Variants in TYW1 observed in about 807,000 individuals in gnomAD.
TYW1 encodes the protein S-adenosyl-L-methionine-dependent tRNA 4-demethylwyosine synthase TYW1.
TYW1 carries 46 observed loss-of-function variants against 96.2 expected under a neutral mutation model. The observed-to-expected ratio is 0.48, with a 90% CI of 0.38 to 0.61. The LOEUF is 0.61. Ranked by LOEUF, TYW1 falls within the 20% of genes least tolerant of loss-of-function variation. TYW1 has a pLI of 0.00. For synonymous variants in TYW1, 274 were observed against 323.0 expected (o/e 0.85, Z 1.63); for missense variants, 684 against 909.6 (o/e 0.75, Z 3.19).
chr7:67,063,930 A>G lies in TYW1; in HGVS notation c.1156-3355A>G, dbSNP rs1447254672. On this transcript the variant is annotated intron_variant, in intron 9 of 15. Transcript: ENST00000359626. ...TCTGTATATTAACAATGAACATATG[A>G]AAACCAAAACTAAAAAGTTCATTTA... Among the ~76,000 whole-genome samples the G allele has an allele frequency of 7.1e-4, 108 of 152,180 alleles. 2 individuals carry two copies. The highest frequency in any genetic ancestry group is 1.5e-4 in the Non-Finnish European group (10 of 68,030).
intron 1 of TYW1, 88 bp downstream of exon 1, chr7:66,997,070 G>T: frequency 6.3e-7 from 1 of 1,595,864 alleles, no homozygotes; most frequent in East Asian, 2.3e-5. Flanking sequence ...TGGCGTCCTC[G>T]GTCCCTTTCC....
At chr7:67,223,347 G>C (rs1301693106) in intron 15 of TYW1, among the ~76,000 whole-genome samples, 1 of 152,034 alleles carries the variant, frequency 6.6e-6, no homozygotes, top group African/African-American at 2.4e-5. Context: ...GTTTTGTTTT[G>C]TTTTGTTTGA....
chr7:67,009,426 G>A (rs1793713406), intron 3 of TYW1, among the ~76,000 whole-genome samples, 157 bp from the exon 4 acceptor site: 1 of 152,176 alleles, frequency 6.6e-6, no homozygotes, highest in Non-Finnish European at 1.5e-5. Flanking sequence ...CCAAGAAAAT[G>A]GTAAGAGTGA....
At chr7:67,125,757 A>T (rs560443572) in intron 13 of TYW1, among the ~76,000 whole-genome samples, 351 of 152,226 alleles carry the variant, frequency 2.3e-3, no homozygotes, top group Middle Eastern at 0.01. Context: ...GCAACCATGG[A>T]TGGATCTTTT....
intron 12 of TYW1, 46 bp from the exon 13 acceptor site, chr7:67,117,437 T>C: frequency 3.8e-6 from 6 of 1,582,952 alleles, no homozygotes; most frequent in South Asian, 1.2e-5. Flanking sequence ...GAAAGCCTGA[T>C]AGAGGAATAA....
At chr7:67,181,473 C>G (rs1256414003) in intron 13 of TYW1, among the ~76,000 whole-genome samples, 1 of 152,122 alleles carries the variant, frequency 6.6e-6, no homozygotes, top group South Asian at 2.1e-4. Flanking sequence ...GTGTGGCTGC[C>G]TAATATTCCT....
Position 67,183,257 on chromosome 7 carries a change from G to A in TYW1, c.1809+21G>A, listed in dbSNP as rs547114863. 4.4e-6 allele frequency: 7 copies of A among 1,581,784 alleles called. No individual in the cohort carries two copies. In the South Asian group the frequency reaches 8.1e-5, roughly 18 times the overall value. On this transcript the variant is annotated intron_variant, in intron 14 of 15. Transcript: ENST00000359626. ...TGAAGGTAAGCCCCTGCTGACTCTG[G>A]TGGCTGTGGTGGAGTGACAAAGAAT...
At chr7:67,130,678 T>C (rs1403099394) in intron 13 of TYW1, among the ~76,000 whole-genome samples, 3 of 146,474 alleles carry the variant, frequency 2.0e-5, no homozygotes, top group Non-Finnish European at 4.5e-5. Context: ...AAAAAAAAAA[T>C]GCAAAATACA....
chr7:67,052,167 G>A (rs1795380132), intron 8 of TYW1, among the ~76,000 whole-genome samples: 1 of 152,092 alleles, frequency 6.6e-6, no homozygotes, highest in African/African-American at 2.4e-5. Flanking sequence ...GTTTTGTTGA[G>A]TGTCTTGGTT....
At chr7:67,189,551 G>A (rs1370797252) in intron 14 of TYW1, among the ~76,000 whole-genome samples, 1 of 152,180 alleles carries the variant, frequency 6.6e-6, no homozygotes, top group East Asian at 1.9e-4. Flanking sequence ...GAGAGGCAGT[G>A]CCCAGTTTTG....
chr7:67,187,052 A>ATTTTTTT (rs750086247), intron 14 of TYW1, among the ~76,000 whole-genome samples: 1 of 100,900 alleles, frequency 9.9e-6, no homozygotes, highest in East Asian at 3.1e-4. Flanking sequence ...CCACAATTAA[A>ATTTTTTT]TTTTTTTTTT....
At chr7:67,012,580 A>G (rs574368660) in intron 4 of TYW1, among the ~76,000 whole-genome samples, 1 of 152,284 alleles carries the variant, frequency 6.6e-6, no homozygotes, top group African/African-American at 2.4e-5. Flanking sequence ...AACTCTTAAG[A>G]TGAATTCAAA....
chr7:67,084,748 C>T (rs1796496848), intron 11 of TYW1, among the ~76,000 whole-genome samples: 1 of 152,102 alleles, frequency 6.6e-6, no homozygotes, highest in Non-Finnish European at 1.5e-5. Flanking sequence ...CTCTTGGACT[C>T]AAGCCATCCA....
At chr7:67,217,496 T>G (rs1010153934) in intron 15 of TYW1, among the ~76,000 whole-genome samples, 1 of 152,246 alleles carries the variant, frequency 6.6e-6, no homozygotes, top group Non-Finnish European at 1.5e-5. Flanking sequence ...CAACACCATT[T>G]GTTAAGGATG....
chr7:67,109,167 G>C (rs181349306), intron 12 of TYW1, among the ~76,000 whole-genome samples: 1 of 151,338 alleles, frequency 6.6e-6, no homozygotes, highest in East Asian at 2.0e-4. Context: ...CCAGCTACTC[G>C]GGAGGCTGAG....
At chr7:67,002,843 CTTTTTCTTTTTTCT>C (rs142042418) in intron 3 of TYW1, among the ~76,000 whole-genome samples, 15 of 117,796 alleles carry the variant, frequency 1.3e-4, no homozygotes, top group Non-Finnish European at 9.6e-5. Flanking sequence ...TTTTCTTTTT[CTTTTTCTTTTTTCT>C]TTTTTTTTTT....
intron 13 of TYW1, among the ~76,000 whole-genome samples, chr7:67,134,047 T>C (rs12532995): frequency 0.04 from 6,120 of 152,152 alleles, 180 homozygotes; most frequent in Middle Eastern, 0.1. Flanking sequence ...TTGCATGTTA[T>C]TGGTTTTTAT....
chr7:67,226,146 A>C (rs1277946120), intron 15 of TYW1, among the ~76,000 whole-genome samples: 1 of 152,180 alleles, frequency 6.6e-6, no homozygotes, highest in East Asian at 1.9e-4. Context: ...TCTAACCTCC[A>C]AGCTGTCCTT....
At chr7:67,045,956 A>G (rs779650071) in intron 7 of TYW1, among the ~76,000 whole-genome samples, 6 of 152,232 alleles carry the variant, frequency 3.9e-5, no homozygotes, top group Admixed American at 6.5e-5. Flanking sequence ...ATAGAAGCCA[A>G]TACTGTGGCA....
Sources: allele counts gnomAD v4.1 joint callset (sites outside exome capture counted in the v4.1 genomes callset), GRCh38; gene constraint gnomAD v4.1.1; transcripts MANE v1.5; gene names NCBI Gene and HGNC (gene_info 2026-07-23, HGNC 2026-07-21).